The following PALM2AKAP2 variants were observed in gnomAD, a reference collection of about 807,000 sequenced individuals.
The protein encoded by PALM2AKAP2 is PALM2 and AKAP2 fusion, also known as PALM2-AKAP2 fusion protein.
In PALM2AKAP2, 37 loss-of-function variants were observed where a neutral mutation model predicts 71.5. That is an observed-to-expected ratio of 0.52 (90% CI 0.40 to 0.68). The LOEUF (loss-of-function observed/expected upper bound fraction) is 0.68, where lower values mean the gene tolerates loss of function less well. Among genes scored for constraint, PALM2AKAP2 ranks in the 30% least tolerant of loss-of-function variants. The pLI is 0.00. For missense variants in PALM2AKAP2, 1,224 were observed against 1,191.8 expected (o/e 1.03, Z -0.40); for synonymous variants, 468 against 478.8 (o/e 0.98, Z 0.29).
At chr9:110,018,030 A>G (rs980653324) in intron 7 of PALM2AKAP2, among the ~76,000 whole-genome samples, 4 of 151,918 alleles carry the variant, frequency 2.6e-5, no homozygotes, top group Non-Finnish European at 4.4e-5. Flanking sequence ...CAGGCCACAA[A>G]TGGCATATTC....
chr9:110,084,615 A>G (rs1834519141), intron 1 of PALM2AKAP2, among the ~76,000 whole-genome samples: 1 of 152,196 alleles, frequency 6.6e-6, no homozygotes, highest in Non-Finnish European at 1.5e-5. Context: ...ATTACTTATG[A>G]TAGCTAATGC....
intron 1 of PALM2AKAP2, among the ~76,000 whole-genome samples, chr9:109,694,358 G>A (rs1051038845): frequency 3.9e-5 from 6 of 151,918 alleles, no homozygotes; most frequent in African/African-American, 1.4e-4. Context: ...CTTAAATTCA[G>A]AATTCAAGAA....
chr9:109,867,190 G>C (rs1723580831), intron 1 of PALM2AKAP2: 3 of 434,918 alleles, frequency 6.9e-6, no homozygotes, highest in Admixed American at 2.6e-5. Context: ...GTGTGTGTGT[G>C]TGTGTGTGTG....
chr9:109,703,218 A>T (rs948914996), intron 1 of PALM2AKAP2, among the ~76,000 whole-genome samples: 1 of 152,328 alleles, frequency 6.6e-6, no homozygotes, highest in South Asian at 2.1e-4. Flanking sequence ...AATATTGCTG[A>T]TATTCAGGTC....
In PALM2AKAP2 at chr9:110,125,115, G is replaced by A. The variant is rs552670636; in HGVS notation, c.157-11012G>A. Among the ~76,000 whole-genome samples the A allele has an allele frequency of 7.2e-5, 11 of 152,234 alleles. No homozygotes were observed. In the South Asian group the frequency reaches 2.3e-3, roughly 32 times the overall value. The stretch of plus-strand genomic sequence containing the variant: ...TACACACGCACAAGCACACACCACA[G>A]GCTGTCCTGAAAAGTCTGTCTAACT... On this transcript the variant is annotated intron_variant, in intron 1 of 3. Transcript: ENST00000374525.
chr9:109,721,349 G>A (rs1275445504), intron 1 of PALM2AKAP2, among the ~76,000 whole-genome samples: 1 of 152,170 alleles, frequency 6.6e-6, no homozygotes, highest in African/African-American at 2.4e-5. Flanking sequence ...TCAAATCTGA[G>A]GTGGCAGATT....
intron 3 of PALM2AKAP2, among the ~76,000 whole-genome samples, chr9:109,890,651 G>A (rs957316920): frequency 6.6e-6 from 1 of 152,216 alleles, no homozygotes; most frequent in Non-Finnish European, 1.5e-5. Context: ...GATGACTTAG[G>A]TTTGGGTAGT....
At chr9:110,030,770 A>T (rs1199314838) in intron 7 of PALM2AKAP2, among the ~76,000 whole-genome samples, 1 of 152,198 alleles carries the variant, frequency 6.6e-6, no homozygotes, top group East Asian at 1.9e-4. Context: ...TACACTTGGT[A>T]AAAATCATGA....
At chr9:110,157,183 T>A (rs1160389272) in intron 3 of PALM2AKAP2, among the ~76,000 whole-genome samples, 1 of 152,214 alleles carries the variant, frequency 6.6e-6, no homozygotes, top group Non-Finnish European at 1.5e-5. Context: ...CCCAGGAGCC[T>A]GGAGATCAGC....
At chr9:110,038,759 T>G (rs1040960226) in intron 7 of PALM2AKAP2, among the ~76,000 whole-genome samples, 4 of 151,190 alleles carry the variant, frequency 2.6e-5, no homozygotes, top group South Asian at 4.2e-4. Context: ...TCCAACATGG[T>G]GAAACCCCGT....
At chr9:109,862,453 G>C (rs1829337789) in intron 1 of PALM2AKAP2, among the ~76,000 whole-genome samples, 1 of 152,088 alleles carries the variant, frequency 6.6e-6, no homozygotes, top group Non-Finnish European at 1.5e-5. Flanking sequence ...TGGAAAAATT[G>C]CTACTCAGAA....
At chr9:109,826,095 T>C (rs1828141763) in intron 1 of PALM2AKAP2, among the ~76,000 whole-genome samples, 3 of 151,966 alleles carry the variant, frequency 2.0e-5, no homozygotes, top group Non-Finnish European at 4.4e-5. Context: ...GCCATCATTC[T>C]CAGCAAACTA....
At chr9:109,945,924 A>C (rs1564226481) in intron 6 of PALM2AKAP2, 1 of 152,250 alleles carries the variant, frequency 6.6e-6, no homozygotes. Flanking sequence ...TGGGGGAATA[A>C]TGATTAGCAA....
intron 1 of PALM2AKAP2, among the ~76,000 whole-genome samples, chr9:109,745,484 G>A (rs1474186878): frequency 2.6e-5 from 4 of 151,088 alleles, no homozygotes; most frequent in Non-Finnish European, 4.4e-5. Flanking sequence ...TCTAGTGGCT[G>A]TCAGTGTGTG....
At chr9:109,910,044 G>GA (rs1830534046) in intron 3 of PALM2AKAP2, among the ~76,000 whole-genome samples, 1 of 152,198 alleles carries the variant, frequency 6.6e-6, no homozygotes, top group East Asian at 1.9e-4. Flanking sequence ...ATTTAGGAGA[G>GA]AGCCTATACT....
intron 7 of PALM2AKAP2, among the ~76,000 whole-genome samples, chr9:110,042,788 A>T (rs575834293): frequency 2.1e-4 from 32 of 152,158 alleles, no homozygotes; most frequent in Non-Finnish European, 3.8e-4. Context: ...TTATTTTTTT[A>T]AAATTCTTTT....
intron 6 of PALM2AKAP2, chr9:109,942,623 A>G: frequency 1.3e-6 from 2 of 1,508,936 alleles, no homozygotes; most frequent in Non-Finnish European, 1.8e-6. Flanking sequence ...CTGTTTGGCA[A>G]TTAACCATTC....
At chr9:110,091,418 G>A (rs1432498621) in intron 1 of PALM2AKAP2, among the ~76,000 whole-genome samples, 2 of 148,024 alleles carry the variant, frequency 1.4e-5, no homozygotes, top group Non-Finnish European at 3.0e-5. Flanking sequence ...GTGTGTGTGT[G>A]TGTGTCTGTG....
At chr9:109,862,520 C>T (rs201470548) in intron 1 of PALM2AKAP2, among the ~76,000 whole-genome samples, 8 of 152,232 alleles carry the variant, frequency 5.3e-5, no homozygotes, top group East Asian at 3.9e-4. Context: ...TCCTGGTATC[C>T]GTGTGTCTGT....
Sources: gnomAD v4.1 joint callset for allele counts (sites outside exome capture counted in the v4.1 genomes callset) on GRCh38, gnomAD v4.1.1 for gene constraint, MANE v1.5 for transcripts, NCBI Gene and HGNC (gene_info 2026-07-23, HGNC 2026-07-21) for gene names.